Variants in CACNA1C observed in about 807,000 individuals in gnomAD.
The protein encoded by CACNA1C is calcium voltage-gated channel subunit alpha1 C, also known as voltage-dependent L-type calcium channel subunit alpha-1C.
CACNA1C carries 30 observed loss-of-function variants against 229.0 expected under a neutral mutation model. The ratio of observed to expected loss-of-function variants is 0.13; its 90% CI spans 0.10 to 0.18. CACNA1C has a LOEUF of 0.18. CACNA1C is among the 10% of genes least tolerant of loss of function. CACNA1C has a pLI of 1.00. For missense variants in CACNA1C, 1,658 were observed against 2,845.0 expected, an observed-to-expected ratio of 0.58 and a Z score of 9.49; for synonymous variants, 1,114 against 1,132.5, an observed-to-expected ratio of 0.98 and a Z score of 0.33.
At chr12:2,634,723 A>G (rs2092141884) in intron 30 of CACNA1C, among the ~76,000 whole-genome samples, 1 of 151,458 alleles carries the variant, frequency 6.6e-6, no homozygotes, top group Admixed American at 6.6e-5. Flanking sequence ...GATGTTTGCC[A>G]CTCTGGGCAG....
At chr12:2,161,414 A>G (rs1406887603) in intron 3 of CACNA1C, among the ~76,000 whole-genome samples, 1 of 152,202 alleles carries the variant, frequency 6.6e-6, no homozygotes, top group Non-Finnish European at 1.5e-5. Flanking sequence ...TCTAAACGCC[A>G]GCTTGGTCGG....
At chr12:2,349,391 C>G (rs2097141810) in intron 3 of CACNA1C, among the ~76,000 whole-genome samples, 1 of 152,094 alleles carries the variant, frequency 6.6e-6, no homozygotes, top group Non-Finnish European at 1.5e-5. Context: ...TTCTCTAGTA[C>G]TGTCTCAATT....
At chr12:2,203,378 C>T (rs2097656557) in intron 3 of CACNA1C, among the ~76,000 whole-genome samples, 1 of 152,168 alleles carries the variant, frequency 6.6e-6, no homozygotes, top group African/African-American at 2.4e-5. Context: ...CTGTCTCACC[C>T]ACTGAAGGGT....
intron 3 of CACNA1C, among the ~76,000 whole-genome samples, chr12:2,198,544 T>C (rs1457714009): frequency 6.6e-6 from 1 of 152,224 alleles, no homozygotes; most frequent in Non-Finnish European, 1.5e-5. Flanking sequence ...ATCACCAAAT[T>C]GTGAGGACTT....
chr12:2,552,191 G>A (rs867224236), intron 10 of CACNA1C, among the ~76,000 whole-genome samples: 2 of 152,224 alleles, frequency 1.3e-5, no homozygotes, highest in African/African-American at 2.4e-5. Flanking sequence ...CCATGCATTC[G>A]TTCAACAGTC....
chr12:2,652,330 G>A (rs573513367), intron 32 of CACNA1C, among the ~76,000 whole-genome samples: 3 of 152,296 alleles, frequency 2.0e-5, no homozygotes, highest in Non-Finnish European at 4.4e-5. Flanking sequence ...CAGTTCCTCC[G>A]CTCAGCCATT....
intron 3 of CACNA1C, among the ~76,000 whole-genome samples, chr12:2,405,692 A>G (rs11831085): frequency 0.19 from 28,590 of 152,024 alleles, 3,222 homozygotes; most frequent in African/African-American, 0.31. Flanking sequence ...TGTCTGTCTC[A>G]CTTTTATCCT....
chr12:2,056,077 A>T (rs1225125362), intron 1 of CACNA1C, among the ~76,000 whole-genome samples: 1 of 152,164 alleles, frequency 6.6e-6, no homozygotes, highest in Non-Finnish European at 1.5e-5. Flanking sequence ...GAACCAAAAA[A>T]GTTGTCAGTG....
At chr12:2,003,538 C>T (rs2042668629) in intron 1 of CACNA1C, among the ~76,000 whole-genome samples, 1 of 152,174 alleles carries the variant, frequency 6.6e-6, no homozygotes, top group Non-Finnish European at 1.5e-5. Flanking sequence ...CAACAGGATT[C>T]CAGTGTTCTA....
At chr12:2,435,579 A>G (rs1298878072) in intron 3 of CACNA1C, among the ~76,000 whole-genome samples, 1 of 152,194 alleles carries the variant, frequency 6.6e-6, no homozygotes, top group Non-Finnish European at 1.5e-5. Flanking sequence ...TGGCCTCTGC[A>G]GCACCCCTGG....
intron 3 of CACNA1C, among the ~76,000 whole-genome samples, chr12:2,357,132 T>C (rs952937524): frequency 1.3e-5 from 2 of 152,214 alleles, no homozygotes; most frequent in Non-Finnish European, 2.9e-5. Flanking sequence ...GAACCAAAAC[T>C]GGACAAGATT....
intron 3 of CACNA1C, among the ~76,000 whole-genome samples, chr12:2,255,833 A>AGTTTACAATCACACGATCCTGACCTTG (rs2077325740): frequency 1.3e-4 from 3 of 22,976 alleles, no homozygotes; most frequent in African/African-American, 2.1e-4. Context: ...TCCTGACCTT[A>AGTTTACAATCACACGATCCTGACCTTG]CTAGTTTACA....
At chr12:2,452,888 A>G (rs1375262160) in intron 4 of CACNA1C, among the ~76,000 whole-genome samples, 4 of 152,160 alleles carry the variant, frequency 2.6e-5, no homozygotes, top group African/African-American at 9.7e-5. Flanking sequence ...ACTGGTCTCC[A>G]TTTCCTCAGG....
In CACNA1C at chr12:2,691,119, G is replaced by A. The variant is rs565788300; in HGVS notation, c.6337G>A (p.Asp2113Asn). 3 of 1,610,116 alleles carry A rather than the reference G, an allele frequency of 1.9e-6. No homozygotes were observed. The highest frequency in any genetic ancestry group is 4.5e-5 in the East Asian group (2 of 44,734). ...GCAGGACCGAGCCGGGGGCGAAGAG[G>A]ACGCGGGCTGTGTGCGCGCGCGGGG... Reference protein sequence around the residue: ...AGQDRAGGEEDAGCVRARGRP... With the variant: ...AGQDRAGGEENAGCVRARGRP... Residue 2113 changes from aspartate to asparagine, a missense_variant, in exon 47 of 47, where the codon GAC becomes AAC. Around this residue, in one of 20 missense-constraint regions of CACNA1C, gnomAD observed 590 missense variants for 700.8 expected, o/e 0.84. Transcript: ENST00000399655.
At chr12:2,123,452 C>T (rs2088042003) in intron 3 of CACNA1C, among the ~76,000 whole-genome samples, 1 of 151,948 alleles carries the variant, frequency 6.6e-6, no homozygotes. Context: ...CCTCAGTTCC[C>T]CAGCTTGTAA....
chr12:2,179,811 C>T (rs1383246832), intron 3 of CACNA1C, among the ~76,000 whole-genome samples: 1 of 152,202 alleles, frequency 6.6e-6, no homozygotes, highest in Admixed American at 6.5e-5. Context: ...TGGATGCTAG[C>T]CTGCTCTCAG....
chr12:2,663,771 T>C (rs2095899380), intron 34 of CACNA1C, among the ~76,000 whole-genome samples: 1 of 143,178 alleles, frequency 7.0e-6, no homozygotes, highest in Admixed American at 7.0e-5. Context: ...AGACGGAGTC[T>C]CGCTCTGTCG....
intron 1 of CACNA1C, among the ~76,000 whole-genome samples, chr12:1,995,590 C>A (rs1420442749): frequency 6.6e-6 from 1 of 152,232 alleles, no homozygotes; most frequent in Non-Finnish European, 1.5e-5. Context: ...TTCCACCTCC[C>A]ATTGTTGCCT....
chr12:2,618,375 G>T (rs1011228465), intron 29 of CACNA1C, among the ~76,000 whole-genome samples: 1 of 152,210 alleles, frequency 6.6e-6, no homozygotes, highest in Admixed American at 6.5e-5. Context: ...GCAAGTGGAC[G>T]GCACACCAAA....
Sources: allele counts gnomAD v4.1 joint callset (sites outside exome capture counted in the v4.1 genomes callset), GRCh38; gene constraint gnomAD v4.1.1; regional missense constraint gnomAD v4.1.1; transcripts MANE v1.5; gene names NCBI Gene and HGNC (gene_info 2026-07-23, HGNC 2026-07-21).